The following CAPS2 variants were observed in gnomAD, a reference collection of about 807,000 sequenced individuals.
CAPS2 encodes the protein calcyphosin-2.
Under a neutral mutation model 86.5 loss-of-function variants are expected in CAPS2, and 98 were observed. The observed-to-expected ratio is 1.13, with a 90% CI of 0.96 to 1.34. The LOEUF (loss-of-function observed/expected upper bound fraction) is 1.34. Ranked by LOEUF, CAPS2 falls within the 40% of genes most tolerant of loss-of-function variation. CAPS2 has a pLI of 0.00. For synonymous variants in CAPS2, 210 were observed against 225.1 expected, an observed-to-expected ratio of 0.93 and a Z score of 0.60; for missense variants, 729 against 686.8, an observed-to-expected ratio of 1.06 and a Z score of -0.69.
At chr12:75,330,873 C>G (rs894295804), upstream of CAPS2, among the ~76,000 whole-genome samples, 6 of 151,960 alleles carry the variant, frequency 3.9e-5, no homozygotes, top group African/African-American at 1.2e-4. Flanking sequence ...CAACCTCTGC[C>G]TCCCAGGTTC....
chr12:75,379,717 T>C (rs2044853814), intron 1 of CAPS2, among the ~76,000 whole-genome samples: 1 of 152,156 alleles, frequency 6.6e-6, no homozygotes, highest in South Asian at 2.1e-4. Flanking sequence ...GCTGAATCAC[T>C]TCAAAATATG....
intron 7 of CAPS2, chr12:75,306,309 C>T (rs1464710168): frequency 1.8e-6 from 1 of 568,462 alleles, no homozygotes; most frequent in South Asian, 2.0e-5. Flanking sequence ...CAGAGCTCTG[C>T]GGGAGGCTAA....
At chr12:75,307,266 G>A (rs1593413743) in intron 7 of CAPS2, among the ~76,000 whole-genome samples, 1 of 152,204 alleles carries the variant, frequency 6.6e-6, no homozygotes, top group Non-Finnish European at 1.5e-5. Context: ...TATTGTTTAG[G>A]AGAGTACCTA....
intron 8 of CAPS2, among the ~76,000 whole-genome samples, chr12:75,303,207 G>A (rs1476841909): frequency 1.3e-5 from 2 of 152,078 alleles, no homozygotes; most frequent in Non-Finnish European, 2.9e-5. Flanking sequence ...TAACACCATG[G>A]ATAAAACTCA....
exon 17 of CAPS2, chr12:75,277,326 T>C: frequency 1.0e-6 from 1 of 970,196 alleles, no homozygotes; most frequent in Non-Finnish European, 1.2e-6. Context: ...AAATTATCAA[T>C]GAAAAACACT....
chr12:75,354,152 G>A (rs2042989883), intron 1 of CAPS2, among the ~76,000 whole-genome samples: 1 of 115,296 alleles, frequency 8.7e-6, no homozygotes. Flanking sequence ...GAGCAATCAG[G>A]GAAGAGAAAA....
At chr12:75,282,440 G>A in intron 15 of CAPS2, 93 bp from the exon 16 acceptor site, 1 of 802,172 alleles carries the variant, frequency 1.2e-6, no homozygotes, top group Non-Finnish European at 2.2e-6. Context: ...AGACTGGAGT[G>A]CAATGGCGTG....
chr12:75,382,738 T>C (rs993201887), intron 1 of CAPS2, among the ~76,000 whole-genome samples: 1 of 152,292 alleles, frequency 6.6e-6, no homozygotes, highest in South Asian at 2.1e-4. Flanking sequence ...TCATCTGAGA[T>C]AAGCAAGAGG....
chr12:75,371,663 T>A (rs980205732), intron 1 of CAPS2, among the ~76,000 whole-genome samples: 2 of 152,188 alleles, frequency 1.3e-5, no homozygotes, highest in South Asian at 4.1e-4. Context: ...AACCTAAATG[T>A]TATTACATAA....
chr12:75,327,224 T>A (rs1049599456), upstream of CAPS2, among the ~76,000 whole-genome samples: 2 of 152,258 alleles, frequency 1.3e-5, no homozygotes, highest in Non-Finnish European at 2.9e-5. Context: ...CATATACATT[T>A]ATTTCCTTTA....
intron 4 of CAPS2, chr12:75,322,913 C>G: frequency 1.1e-6 from 1 of 940,688 alleles, no homozygotes; most frequent in Non-Finnish European, 1.6e-6. Flanking sequence ...AAAACATAGA[C>G]TGAACATAAT....
At chr12:75,328,605 A>G (rs1373065359), upstream of CAPS2, among the ~76,000 whole-genome samples, 1 of 152,262 alleles carries the variant, frequency 6.6e-6, no homozygotes, top group Non-Finnish European at 1.5e-5. Context: ...ATACATGTAT[A>G]CATTTTACAC....
chr12:75,320,906 A>T (rs1049245236), intron 5 of CAPS2, among the ~76,000 whole-genome samples: 5 of 151,970 alleles, frequency 3.3e-5, no homozygotes, highest in African/African-American at 1.2e-4. Flanking sequence ...AATATTACAT[A>T]AAAACATAAC....
chr12:75,353,555 C>A (rs2042952848), intron 1 of CAPS2, among the ~76,000 whole-genome samples: 2 of 152,156 alleles, frequency 1.3e-5, no homozygotes, highest in Admixed American at 1.3e-4. Context: ...CAGCTGAATT[C>A]TACCAGAAGA....
At chr12:75,309,504 A>G (rs2038915976) in intron 7 of CAPS2, among the ~76,000 whole-genome samples, 2 of 152,198 alleles carry the variant, frequency 1.3e-5, no homozygotes, top group Admixed American at 1.3e-4. Context: ...GGCTTTTCCT[A>G]CTTGCCTGAC....
At chr12:75,385,089 A>G (rs1401764072) in intron 1 of CAPS2, among the ~76,000 whole-genome samples, 2 of 152,228 alleles carry the variant, frequency 1.3e-5, no homozygotes, top group Admixed American at 1.3e-4. Context: ...CCTTCTTGCC[A>G]TATGATGCCC....
Position 75,306,138 on chromosome 12 carries a change from C to A in CAPS2, c.660-1262G>T, listed in dbSNP as rs569140536. The stretch of plus-strand genomic sequence containing the variant: ...CCACATTCGGGAACGTGCGGAAGCT[C>A]ATCACCGAGGAGTTCGTCCAGCAGA... On this transcript the variant is annotated intron_variant, in intron 7 of 16. Coordinates refer to ENST00000393284, the Ensembl canonical transcript of CAPS2. The A allele has an allele frequency of 1.6e-5, 18 of 1,119,124 alleles. 1 individual carries two copies. The highest frequency in any genetic ancestry group is 9.4e-5 in the East Asian group (4 of 42,370). The allele number at this position is 1,119,124 out of a possible 1,614,324, so 69.3% of individuals were successfully genotyped here.
intron 1 of CAPS2, chr12:75,371,202 G>A (rs946341220): frequency 1.3e-5 from 2 of 152,916 alleles, no homozygotes; most frequent in African/African-American, 4.8e-5. Flanking sequence ...TGTGGCTGAA[G>A]GCCTGAGAGC....
intron 1 of CAPS2, among the ~76,000 whole-genome samples, chr12:75,381,025 C>G (rs930489701): frequency 4.6e-5 from 7 of 152,096 alleles, no homozygotes; most frequent in Admixed American, 3.9e-4. Context: ...ATGGCTCAGT[C>G]TTTTAGAGAC....
Sources: gnomAD v4.1 joint callset for allele counts (sites outside exome capture counted in the v4.1 genomes callset) on GRCh38, gnomAD v4.1.1 for gene constraint, MANE v1.5 for transcripts, NCBI Gene and HGNC (gene_info 2026-07-23, HGNC 2026-07-21) for gene names.